PRKN: variants seen among roughly 807,000 people sequenced by gnomAD.
The protein encoded by PRKN is E3 ubiquitin-protein ligase parkin.
PRKN carries 56 observed loss-of-function variants against 59.5 expected under a neutral mutation model. The ratio of observed to expected loss-of-function variants is 0.94; its 90% CI spans 0.76 to 1.18. PRKN has a LOEUF of 1.18. Among genes scored for constraint, PRKN ranks in the 50% most tolerant of loss-of-function variants. PRKN has a pLI of 0.00. For missense variants in PRKN, 657 were observed against 596.4 expected (o/e 1.10, Z -1.06); for synonymous variants, 250 against 222.1 (o/e 1.13, Z -1.12).
chr6:161,653,862 G>C (rs1488239530), intron 7 of PRKN, among the ~76,000 whole-genome samples: 1 of 152,190 alleles, frequency 6.6e-6, no homozygotes, highest in Non-Finnish European at 1.5e-5. Flanking sequence ...GGAAAATTCT[G>C]CTTGTAAACT....
intron 5 of PRKN, among the ~76,000 whole-genome samples, chr6:162,003,391 A>G (rs1782133859): frequency 6.6e-6 from 1 of 152,062 alleles, no homozygotes. Flanking sequence ...AAGTGCTGAG[A>G]CTATTTTTCT....
At chr6:162,248,799 T>C (rs1779306512) in intron 3 of PRKN, among the ~76,000 whole-genome samples, 1 of 152,186 alleles carries the variant, frequency 6.6e-6, no homozygotes, top group Non-Finnish European at 1.5e-5. Flanking sequence ...TTGCATTTAA[T>C]GTTAATTTTT....
intron 5 of PRKN, among the ~76,000 whole-genome samples, chr6:161,988,260 G>T (rs976872586): frequency 1.3e-4 from 20 of 152,148 alleles, no homozygotes; most frequent in African/African-American, 4.8e-4. Flanking sequence ...GCCGAGGCAG[G>T]CGGATCACCT....
chr6:161,571,164 C>G (rs974303508), intron 7 of PRKN, among the ~76,000 whole-genome samples: 1 of 152,148 alleles, frequency 6.6e-6, no homozygotes, highest in African/African-American at 2.4e-5. Flanking sequence ...AGGCTGGTCT[C>G]AAGCTCCTGG....
At chr6:162,599,892 C>A (rs189171620) in intron 1 of PRKN, among the ~76,000 whole-genome samples, 2 of 152,230 alleles carry the variant, frequency 1.3e-5, no homozygotes, top group African/African-American at 4.8e-5. Context: ...TCCTAAGAGT[C>A]CTAAAATTAT....
At chr6:162,488,383 T>G (rs1583658115) in intron 1 of PRKN, among the ~76,000 whole-genome samples, 1 of 152,194 alleles carries the variant, frequency 6.6e-6, no homozygotes, top group Non-Finnish European at 1.5e-5. Context: ...GTGCCACCAG[T>G]GTGGATGCAT....
intron 1 of PRKN, among the ~76,000 whole-genome samples, chr6:162,528,080 A>AGGGCG (rs1562358592): frequency 3.7e-5 from 1 of 27,100 alleles, no homozygotes. Context: ...GGGGGGCGGG[A>AGGGCG]GGGGTGCGGG....
chr6:162,703,492 T>C (rs950521002), intron 1 of PRKN, among the ~76,000 whole-genome samples: 1 of 152,192 alleles, frequency 6.6e-6, no homozygotes, highest in Non-Finnish European at 1.5e-5. Flanking sequence ...GTCTCAGCAG[T>C]AGAGCTGTGC....
rs148247803 is a variant in PRKN, at chr6:161,436,691, T to C, written c.1084-49814A>G. On this transcript the variant is annotated intron_variant, in intron 9 of 11. Transcript: ENST00000366898. ...CTCTGACCTCATCCCTTCCGGGGGATGACTCTTATTATCCTGGTTGGCTAC... is the reference window on the plus strand; with the variant it reads ...CTCTGACCTCATCCCTTCCGGGGGACGACTCTTATTATCCTGGTTGGCTAC... Among the ~76,000 whole-genome samples, 18 of 152,172 alleles carry C rather than the reference T, an allele frequency of 1.2e-4. No homozygotes were observed. In the East Asian group the frequency reaches 3.5e-3, roughly 29 times the overall value.
At chr6:161,988,612 A>T (rs905346892) in intron 5 of PRKN, among the ~76,000 whole-genome samples, 9 of 152,156 alleles carry the variant, frequency 5.9e-5, no homozygotes, top group Admixed American at 3.3e-4. Context: ...GAATTTTAAA[A>T]TTTAATTAAA....
At chr6:161,743,155 C>A (rs1260120744) in intron 7 of PRKN, among the ~76,000 whole-genome samples, 2 of 148,800 alleles carry the variant, frequency 1.3e-5, no homozygotes, top group African/African-American at 4.9e-5. Flanking sequence ...AATTATTCTT[C>A]CTGCTGTTCT....
intron 1 of PRKN, among the ~76,000 whole-genome samples, chr6:162,472,166 T>G (rs1352092120): frequency 6.6e-6 from 1 of 151,924 alleles, no homozygotes; most frequent in Admixed American, 6.6e-5. Context: ...GTTTGTAACT[T>G]TAACCTCTGC....
intron 2 of PRKN, among the ~76,000 whole-genome samples, chr6:162,433,741 G>A (rs749201256): frequency 6.6e-6 from 1 of 152,072 alleles, no homozygotes. Flanking sequence ...GATGAATTAC[G>A]CATAGATGGA....
intron 9 of PRKN, among the ~76,000 whole-genome samples, chr6:161,404,191 T>G (rs1787167211): frequency 6.6e-6 from 1 of 152,144 alleles, no homozygotes; most frequent in African/African-American, 2.4e-5. Context: ...CCATCATCCC[T>G]ACTAGACTCA....
intron 6 of PRKN, among the ~76,000 whole-genome samples, chr6:161,966,070 A>G (rs1780568798): frequency 6.6e-6 from 1 of 152,054 alleles, no homozygotes; most frequent in Non-Finnish European, 1.5e-5. Context: ...ACAGCTTTGT[A>G]GGGCCATTTC....
chr6:161,698,517 T>C (rs79275514), intron 7 of PRKN, among the ~76,000 whole-genome samples: 3,873 of 151,736 alleles, frequency 0.026, 66 homozygotes, highest in Middle Eastern at 0.048. Flanking sequence ...ATGTAAACTG[T>C]TTTTTTAAAA....
In PRKN at chr6:162,226,697, C is replaced by T. The variant is rs1274000757; in HGVS notation, c.413-25445G>A. ...TACAGGCGCCTGCTACCACGCCCAG[C>T]TATTTTTTGTATTTTTAGTAGAGAC... On this transcript the variant is annotated intron_variant, in intron 3 of 11. Transcript: ENST00000366898. Among the ~76,000 whole-genome samples the T allele has an allele frequency of 2.0e-5, 3 of 152,148 alleles. No individual in the cohort carries two copies. The East Asian group carries it at 5.8e-4, about 29-fold the overall frequency.
chr6:161,452,883 T>C (rs1789800627), intron 9 of PRKN, among the ~76,000 whole-genome samples: 1 of 151,498 alleles, frequency 6.6e-6, no homozygotes, highest in Non-Finnish European at 1.5e-5. Context: ...TAATATCATA[T>C]ATATTTTATA....
At chr6:161,777,490 C>A (rs74941655) in intron 7 of PRKN, among the ~76,000 whole-genome samples, 1 of 151,170 alleles carries the variant, frequency 6.6e-6, no homozygotes, top group South Asian at 2.1e-4. Context: ...AAAAACTAGA[C>A]GATGGAAACA....
Sources: allele counts gnomAD v4.1 joint callset (sites outside exome capture counted in the v4.1 genomes callset), GRCh38; gene constraint gnomAD v4.1.1; transcripts MANE v1.5; gene names NCBI Gene and HGNC (gene_info 2026-07-23, HGNC 2026-07-21).